Variants in LRRC38 observed in about 807,000 individuals in gnomAD.
LRRC38 encodes leucine rich repeat containing 38.
LRRC38 carries 5 observed loss-of-function variants against 16.4 expected under a neutral mutation model. The ratio of observed to expected loss-of-function variants is 0.31; its 90% confidence interval spans 0.16 to 0.64. The LOEUF (loss-of-function observed/expected upper bound fraction) is 0.64. Ranked by LOEUF, LRRC38 falls within the 30% of genes least tolerant of loss-of-function variation. The pLI is 0.80. For missense variants in LRRC38, 341 were observed against 401.8 expected (o/e 0.85, Z 1.29); for synonymous variants, 191 against 190.2 (o/e 1.00, Z -0.04).
chr1:13,500,806 GTGAACGCCAGAAAGCAT>G (rs1424891353), intron 1 of LRRC38, among the ~76,000 whole-genome samples: 1 of 152,152 alleles, frequency 6.6e-6, no homozygotes, highest in Non-Finnish European at 1.5e-5. Context: ...AGGTTATAAA[GTGAACGCCAGAAAGCAT>G]ACGAAAGAGA....
chr1:13,512,521 G>A (rs1391620109), intron 1 of LRRC38, among the ~76,000 whole-genome samples: 1 of 152,176 alleles, frequency 6.6e-6, no homozygotes, highest in Non-Finnish European at 1.5e-5. Context: ...TGAGAGGCCA[G>A]GTTAGGCTCG....
At chr1:13,506,884 T>C (rs893862363) in intron 1 of LRRC38, among the ~76,000 whole-genome samples, 5 of 152,234 alleles carry the variant, frequency 3.3e-5, no homozygotes, top group Non-Finnish European at 7.3e-5. Context: ...CCACTTGGCT[T>C]AAAGGGCTTA....
At chr1:13,484,152 C>T (rs760291670) in intron 1 of LRRC38, among the ~76,000 whole-genome samples, 2 of 152,132 alleles carry the variant, frequency 1.3e-5, no homozygotes, top group Non-Finnish European at 2.9e-5. Flanking sequence ...CGCAGGCCAC[C>T]GTCAGGGCCT....
chr1:13,491,581 CACA>C (rs949275528), intron 1 of LRRC38, among the ~76,000 whole-genome samples: 4 of 152,198 alleles, frequency 2.6e-5, no homozygotes, highest in African/African-American at 9.6e-5. Flanking sequence ...AAATTTATAA[CACA>C]ACAATGTGAA....
intron 1 of LRRC38, among the ~76,000 whole-genome samples, chr1:13,503,990 C>T (rs1639180281): frequency 6.6e-6 from 1 of 152,214 alleles, no homozygotes; most frequent in Non-Finnish European, 1.5e-5. Context: ...TGGGAGGATG[C>T]GCTGTCTCAG....
intron 1 of LRRC38, among the ~76,000 whole-genome samples, chr1:13,512,457 T>A (rs1193632582): frequency 1.3e-5 from 2 of 152,076 alleles, no homozygotes; most frequent in Non-Finnish European, 2.9e-5. Flanking sequence ...TTATTCCACA[T>A]CAGAAATCTT....
At position 13,512,921 on chromosome 1, in the gene LRRC38, GC is replaced by G. The variant is rs778790351; in HGVS notation, c.631+41del. 3.4e-4 allele frequency: 422 copies of G among 1,246,790 alleles called. 6 individuals carry two copies. In the East Asian group the frequency reaches 0.011, roughly 33 times the overall value. 77.2% of individuals were successfully genotyped at this position (1,246,790 alleles called of 1,614,324 possible). ...CTGGGGTCTGGGGTGGCCTCTCCCT[GC>G]CCCCCTCCCTCCCTCCCCCAGCCTA... On this transcript the variant is annotated intron_variant, in intron 1 of 1. Coordinates refer to ENST00000376085, the MANE Select transcript of LRRC38 (RefSeq NM_001010847.2).
At chr1:13,489,172 TG>T (rs1638977337) in intron 1 of LRRC38, among the ~76,000 whole-genome samples, 1 of 152,182 alleles carries the variant, frequency 6.6e-6, no homozygotes, top group African/African-American at 2.4e-5. Context: ...CAGGGACCAC[TG>T]GGCATTGGTC....
intron 1 of LRRC38, among the ~76,000 whole-genome samples, chr1:13,503,785 C>T (rs527583273): frequency 4.6e-5 from 7 of 152,170 alleles, no homozygotes; most frequent in Non-Finnish European, 7.3e-5. Context: ...ATTGGGACCA[C>T]GATCCTTGGC....
In LRRC38 at chr1:13,487,775, T is replaced by TA. The variant is rs1222187775; in HGVS notation, c.632-11677_632-11676insT. Among the ~76,000 whole-genome samples, 4 of 152,174 alleles carry TA rather than the reference T, an allele frequency of 2.6e-5. No homozygotes were observed. Among genetic ancestry groups the TA allele is most frequent in the Admixed American group, 6.6e-5 (1 of 15,264 alleles). On this transcript the variant is annotated intron_variant, in intron 1 of 1. Coordinates refer to ENST00000376085, the MANE Select transcript of LRRC38 (RefSeq NM_001010847.2). The surrounding 1 kb of genome is among the most constrained non-coding windows in gnomAD (Gnocchi z 4.4). ...TAATCTCTTGCACCGGACCGGCCCCTTGCCAACAAACAGGCCTGCAGCCAG... is the reference window on the plus strand; with the variant it reads ...TAATCTCTTGCACCGGACCGGCCCCTATGCCAACAAACAGGCCTGCAGCCAG...
intron 1 of LRRC38, among the ~76,000 whole-genome samples, chr1:13,486,588 CTTT>C (rs34927682): frequency 4.7e-5 from 6 of 127,626 alleles, no homozygotes; most frequent in Non-Finnish European, 8.1e-5. Flanking sequence ...CTTGGTGTAC[CTTT>C]TTTTTTTTTT....
chr1:13,486,972 G>C (rs1192389146), intron 1 of LRRC38, among the ~76,000 whole-genome samples: 1 of 152,114 alleles, frequency 6.6e-6, no homozygotes, highest in African/African-American at 2.4e-5. Flanking sequence ...GTCTCTCCCA[G>C]GACACTGAAT....
intron 1 of LRRC38, among the ~76,000 whole-genome samples, chr1:13,484,654 T>C (rs1309155375): frequency 6.6e-6 from 1 of 152,236 alleles, no homozygotes; most frequent in Non-Finnish European, 1.5e-5. Context: ...AAGCTGTGTA[T>C]GTTTTCATGC....
At chr1:13,479,406 G>A (rs1366698500) in intron 1 of LRRC38, among the ~76,000 whole-genome samples, 5 of 152,134 alleles carry the variant, frequency 3.3e-5, no homozygotes, top group Admixed American at 1.3e-4. Context: ...GGTATCAACC[G>A]GAAAACCACC....
rs548793212 is a variant in LRRC38 at position 13,500,927 on chromosome 1, T to C, written c.631+12036A>G. On this transcript the variant is annotated intron_variant, in intron 1 of 1. Coordinates refer to ENST00000376085, the MANE Select transcript of LRRC38 (RefSeq NM_001010847.2). ...GGGTTGAGGAGGGAGGGGAGAGGAATGAATGAGCGGGGCACAAAGATTTTG... is the reference window on the plus strand; with the variant it reads ...GGGTTGAGGAGGGAGGGGAGAGGAACGAATGAGCGGGGCACAAAGATTTTG... Among the ~76,000 whole-genome samples, 27 of 152,126 alleles carry C rather than the reference T, an allele frequency of 1.8e-4. No homozygotes were observed. In the East Asian group the frequency reaches 2.5e-3, roughly 14 times the overall value.
intron 1 of LRRC38, among the ~76,000 whole-genome samples, chr1:13,493,294 C>T (rs578092723): frequency 1.7e-4 from 26 of 152,036 alleles, no homozygotes; most frequent in African/African-American, 6.0e-4. Flanking sequence ...GTCACCAGGG[C>T]CAGGGTTGTG....
intron 1 of LRRC38, among the ~76,000 whole-genome samples, chr1:13,500,826 G>A (rs1011838084): frequency 1.4e-4 from 21 of 152,268 alleles, no homozygotes; most frequent in South Asian, 4.1e-4. Context: ...GAAAGCATAC[G>A]AAAGAGAAAT....
intron 1 of LRRC38, among the ~76,000 whole-genome samples, chr1:13,480,520 A>G (rs1638839237): frequency 1.3e-5 from 2 of 152,174 alleles, no homozygotes; most frequent in Admixed American, 6.5e-5. Context: ...GCCCAGTGAT[A>G]TGGTTTGGCT....
Position 13,497,668 on chromosome 1 carries a change from T to C in LRRC38, c.631+15295A>G, listed in dbSNP as rs372290271. ...AATAGCTCATGATTAATTTTTCCGT[T>C]GATTACACGCTGAAATGACATTTTG... is the stretch of plus-strand genomic sequence containing the variant. On this transcript the variant is annotated intron_variant, in intron 1 of 1. Coordinates refer to ENST00000376085, the MANE Select transcript of LRRC38 (RefSeq NM_001010847.2). Among the ~76,000 whole-genome samples, 9 of 152,064 alleles carry C rather than the reference T, an allele frequency of 5.9e-5. No homozygotes were observed. In the East Asian group the frequency reaches 9.7e-4, roughly 16 times the overall value.
Sources: gnomAD v4.1 joint callset for allele counts (sites outside exome capture counted in the v4.1 genomes callset) on GRCh38, gnomAD v4.1.1 for gene constraint, Gnocchi (gnomAD v3.1) non-coding constraint, MANE v1.5 for transcripts, NCBI Gene and HGNC (gene_info 2026-07-23, HGNC 2026-07-21) for gene names.